The following SIK2 variants were observed in gnomAD, a reference collection of about 807,000 sequenced individuals.
SIK2 encodes the protein salt inducible kinase 2, also known as serine/threonine-protein kinase SIK2.
A neutral mutation model predicts 103.2 loss-of-function variants in SIK2; 29 were observed. The observed-to-expected ratio is 0.28, with a 90% CI of 0.21 to 0.38. The LOEUF (loss-of-function observed/expected upper bound fraction) is 0.38, where lower values mean the gene tolerates loss of function less well. SIK2 is among the 10% of genes least tolerant of loss of function. The pLI is 1.00. For synonymous variants in SIK2, 412 were observed against 446.1 expected (o/e 0.92, Z 0.96); for missense variants, 879 against 1,171.0 (o/e 0.75, Z 3.64).
At chr11:111,626,391 A>G (rs1197207960) in intron 3 of SIK2, among the ~76,000 whole-genome samples, 23 of 150,982 alleles carry the variant, frequency 1.5e-4, no homozygotes, top group East Asian at 3.9e-4. Context: ...TTTTTTTTAC[A>G]AAACTATTTC....
At chr11:111,721,697 A>C in intron 12 of SIK2, 133 bp from the exon 13 acceptor site, 13 of 583,870 alleles carry the variant, frequency 2.2e-5, no homozygotes, top group Non-Finnish European at 3.5e-5. Context: ...CTGGCTCTGT[A>C]AAAGCTTTGA....
chr11:111,604,139 C>T (rs1031260745), intron 1 of SIK2, among the ~76,000 whole-genome samples: 3 of 152,252 alleles, frequency 2.0e-5, no homozygotes, highest in Admixed American at 2.0e-4. Flanking sequence ...ATAATGATAA[C>T]TTGACTATAG....
intron 4 of SIK2, among the ~76,000 whole-genome samples, chr11:111,690,883 A>C (rs1942928859): frequency 6.6e-6 from 1 of 152,126 alleles, no homozygotes; most frequent in Non-Finnish European, 1.5e-5. Flanking sequence ...GGTTGGTTCC[A>C]AGTCTTTGCT....
In SIK2 at chr11:111,729,874, G is replaced by A. The variant is rs1387067780; in HGVS notation, c.*5745G>A. On this transcript the variant is annotated 3_prime_UTR_variant, in exon 15 of 15. Coordinates refer to ENST00000304987, the MANE Select transcript of SIK2 (RefSeq NM_015191.3). ...GCCTTTCAGCGTCCAGTTAACTGCAGAAGTTTAGGCTCACCTCAAAGATGT... is the reference window on the plus strand; with the variant it reads ...GCCTTTCAGCGTCCAGTTAACTGCAAAAGTTTAGGCTCACCTCAAAGATGT... 3 of 152,288 alleles carry A rather than the reference G, an allele frequency of 2.0e-5. No homozygotes were observed. The highest frequency in any genetic ancestry group is 2.9e-5 in the Non-Finnish European group (2 of 68,096). The allele number at this position is 152,288 out of a possible 1,614,324, so 9.4% of individuals were successfully genotyped here.
chr11:111,651,815 G>T lies in SIK2; in HGVS notation c.316+31413G>T, dbSNP rs10502144. Among the ~76,000 whole-genome samples, 1,027 of 152,294 alleles carry T rather than the reference G, an allele frequency of 6.7e-3. 61 individuals carry two copies. The highest frequency in any genetic ancestry group is 0.064 in the Admixed American group (972 of 15,284). Reference sequence around the variant, plus strand: ...TTTTAATTATTTTGCTACAGCGTAAGTTGCTATTTGGCTTTGTCAGTGGCA... The same window carrying T: ...TTTTAATTATTTTGCTACAGCGTAATTTGCTATTTGGCTTTGTCAGTGGCA... On this transcript the variant is annotated intron_variant, in intron 3 of 14. Coordinates refer to ENST00000304987, the MANE Select transcript of SIK2 (RefSeq NM_015191.3).
intron 7 of SIK2, 63 bp from the exon 8 acceptor site, chr11:111,704,919 TAGGCA>T: frequency 6.8e-7 from 1 of 1,473,140 alleles, no homozygotes; most frequent in Admixed American, 2.7e-5. Context: ...TCTTTTTTTT[TAGGCA>T]TGTGTAGATC....
At chr11:111,682,590 A>G (rs1189842753) in intron 3 of SIK2, among the ~76,000 whole-genome samples, 1 of 152,232 alleles carries the variant, frequency 6.6e-6, no homozygotes. Context: ...TTAGAGTGAA[A>G]CAAATTGATG....
chr11:111,698,100 G>A (rs1943121603), intron 4 of SIK2, among the ~76,000 whole-genome samples: 1 of 152,192 alleles, frequency 6.6e-6, no homozygotes, highest in African/African-American at 2.4e-5. Context: ...TAGTGAGCCT[G>A]TCTTTCAGTG....
intron 1 of SIK2, among the ~76,000 whole-genome samples, chr11:111,614,566 A>C (rs1005895512): frequency 6.6e-6 from 1 of 152,236 alleles, no homozygotes; most frequent in Admixed American, 6.5e-5. Context: ...ATTACTCATT[A>C]AGTGAAGTGG....
At chr11:111,698,825 G>C (rs1430133323) in intron 4 of SIK2, among the ~76,000 whole-genome samples, 1 of 152,224 alleles carries the variant, frequency 6.6e-6, no homozygotes, top group Non-Finnish European at 1.5e-5. Context: ...AGCAATTATT[G>C]TATGTATTTC....
At chr11:111,662,330 G>A (rs577428215) in intron 3 of SIK2, among the ~76,000 whole-genome samples, 1 of 152,252 alleles carries the variant, frequency 6.6e-6, no homozygotes, top group East Asian at 1.9e-4. Context: ...CAGATCCAGG[G>A]GATACAGAGA....
intron 8 of SIK2, among the ~76,000 whole-genome samples, chr11:111,708,236 G>C (rs1343709292): frequency 6.6e-6 from 1 of 152,056 alleles, no homozygotes; most frequent in African/African-American, 2.4e-5. Flanking sequence ...AAAAAAATTA[G>C]CCGGTTATGG....
intron 1 of SIK2, among the ~76,000 whole-genome samples, chr11:111,607,480 T>A (rs1941663407): frequency 6.6e-6 from 1 of 152,212 alleles, no homozygotes; most frequent in Non-Finnish European, 1.5e-5. Context: ...ACATTTGAAT[T>A]TTCTATTTTG....
At chr11:111,619,148 T>G (rs1488840122) in intron 2 of SIK2, among the ~76,000 whole-genome samples, 1 of 152,248 alleles carries the variant, frequency 6.6e-6, no homozygotes, top group Non-Finnish European at 1.5e-5. Context: ...ATTTGCATAT[T>G]AATTCTATCT....
At chr11:111,711,413 G>T (rs1391256160) in intron 8 of SIK2, among the ~76,000 whole-genome samples, 1 of 152,150 alleles carries the variant, frequency 6.6e-6, no homozygotes, top group African/African-American at 2.4e-5. Context: ...GAGCCACCGC[G>T]CCTGGCCTTA....
At chr11:111,709,044 A>G (rs1310387035) in intron 8 of SIK2, among the ~76,000 whole-genome samples, 3 of 152,216 alleles carry the variant, frequency 2.0e-5, no homozygotes, top group African/African-American at 4.8e-5. Context: ...CCTGTTTGCT[A>G]GGGCTGCCGT....
Position 111,719,994 on chromosome 11 carries a change from C to A in SIK2, c.1486C>A (p.Pro496Thr). 1.2e-6 allele frequency: 2 copies of A among 1,613,448 alleles called. No homozygotes were observed. Among genetic ancestry groups the A allele is most frequent in the East Asian group, 2.2e-5 (1 of 44,868 alleles). ...AGTGACCAATCAACTGGTCGTGATG[C>A]CTGGGGCAGGTACGGTAGAGGAGCG... ...SEVTNQLVVM[P>T]GAGKIFSMND... Residue 496 changes from proline (P) to threonine (T), a missense_variant, in exon 10 of 15, where the codon CCT becomes ACT. Transcript: ENST00000304987.
At chr11:111,630,495 C>T (rs1378305054) in intron 3 of SIK2, among the ~76,000 whole-genome samples, 1 of 149,562 alleles carries the variant, frequency 6.7e-6, no homozygotes, top group Non-Finnish European at 1.5e-5. Flanking sequence ...CCTTGTCTCT[C>T]TCAAAAAAAA....
chr11:111,604,336 TAGAG>T (rs1454809311), intron 1 of SIK2, among the ~76,000 whole-genome samples: 1 of 152,250 alleles, frequency 6.6e-6, no homozygotes, highest in Non-Finnish European at 1.5e-5. Context: ...TTGTGAGTTA[TAGAG>T]AGGTTCTACA....
Sources: gnomAD v4.1 joint callset for allele counts (sites outside exome capture counted in the v4.1 genomes callset) on GRCh38, gnomAD v4.1.1 for gene constraint, MANE v1.5 for transcripts, NCBI Gene and HGNC (gene_info 2026-07-23, HGNC 2026-07-21) for gene names.